Variants in SOS2 observed in about 807,000 individuals in gnomAD.
The protein encoded by SOS2 is SOS Ras/Rho guanine nucleotide exchange factor 2.
A neutral mutation model predicts 148.2 loss-of-function variants in SOS2; 65 were observed. The observed-to-expected ratio is 0.44, with a 90% CI of 0.36 to 0.54. SOS2 has a LOEUF of 0.54. Ranked by LOEUF, SOS2 falls within the 20% of genes least tolerant of loss-of-function variation. The pLI, the probability that SOS2 is intolerant of heterozygous loss-of-function variation, is 0.00. For synonymous variants in SOS2, 539 were observed against 537.1 expected (o/e 1.00, Z -0.05); for missense variants, 1,341 against 1,590.2 (o/e 0.84, Z 2.67).
intron 1 of SOS2, among the ~76,000 whole-genome samples, chr14:50,208,904 T>C (rs1243859368): frequency 6.6e-6 from 1 of 152,202 alleles, no homozygotes; most frequent in Non-Finnish European, 1.5e-5. Flanking sequence ...CCCATATAAC[T>C]GGTTACACAC....
intron 7 of SOS2, among the ~76,000 whole-genome samples, chr14:50,179,680 G>A (rs1002154910): frequency 2.0e-5 from 3 of 152,100 alleles, no homozygotes; most frequent in African/African-American, 7.2e-5. Flanking sequence ...AGTCAGTTTA[G>A]ATGTAGAAGT....
At chr14:50,134,530 T>C (rs910799704) in intron 18 of SOS2, among the ~76,000 whole-genome samples, 5 of 152,194 alleles carry the variant, frequency 3.3e-5, no homozygotes, top group African/African-American at 9.7e-5. Flanking sequence ...GTAGCACTAC[T>C]TATTCCTTAG....
rs58933204 is a variant in SOS2, at chr14:50,194,453, A to AT, written c.510+5237dup. Among the ~76,000 whole-genome samples, 389 of 98,716 alleles carry AT rather than the reference A, an allele frequency of 3.9e-3. 9 individuals are homozygous for AT. The highest frequency in any genetic ancestry group is 0.016 in the South Asian group (44 of 2,714). The allele number at this position is 98,716 out of a possible 152,430, so 64.8% of individuals were successfully genotyped here. ...CTCATTTCTTATATAATCCCTTTCA[A>AT]TTTTTTTTTTTTTTTTTTTTTTTTT... On this transcript the variant is annotated intron_variant, in intron 4 of 22. Coordinates refer to ENST00000216373, the MANE Select transcript of SOS2 (RefSeq NM_006939.4).
Position 50,200,943 on chromosome 14 carries a change from C to T in SOS2, c.345+10G>A, listed in dbSNP as rs1886466829. On this transcript the variant is annotated intron_variant, in intron 3 of 22. Transcript: ENST00000216373. Reference sequence around the variant, plus strand: ...GAACACCCCCCAACTAATGTTTAATCTTTTGTTACCTTCAACGAAGGATGG... The same window carrying T: ...GAACACCCCCCAACTAATGTTTAATTTTTTGTTACCTTCAACGAAGGATGG... 1.2e-6 allele frequency: 2 copies of T among 1,612,862 alleles called. No individual in the cohort carries two copies. Among genetic ancestry groups the T allele is most frequent in the Non-Finnish European group, 1.7e-6 (2 of 1,179,378 alleles).
intron 1 of SOS2, 81 bp downstream of exon 1, chr14:50,231,116 T>C: frequency 1.2e-6 from 1 of 837,870 alleles, no homozygotes. Flanking sequence ...ACTCGAGCCC[T>C]GTGGGAGGGA....
rs543003579 is a variant in SOS2 at position 50,134,990 on chromosome 14, T to C, written c.2959-751A>G. On this transcript the variant is annotated intron_variant, in intron 18 of 22. Coordinates refer to ENST00000216373, the MANE Select transcript of SOS2 (RefSeq NM_006939.4). ...CAGGAGGCTGAGACAGGAGAATCAA[T>C]TGAACCTGGCAGGCGGAGGTTGAGG... Among the ~76,000 whole-genome samples, 12 of 147,432 alleles carry C rather than the reference T, an allele frequency of 8.1e-5. No homozygotes were observed. In the South Asian group the frequency reaches 1.7e-3, roughly 21 times the overall value.
At position 50,231,287 on chromosome 14, in the gene SOS2, C is replaced by A. The variant is rs777488196; in HGVS notation, c.-4G>T. On this transcript the variant is annotated 5_prime_UTR_variant, in exon 1 of 23. Transcript: ENST00000216373. ...AAGGCTGCGGCGCCTGCTGCATGGC[C>A]CCGGCGACAGCGCCTCCGCATCGGG... 7.0e-6 allele frequency: 10 copies of A among 1,423,710 alleles called. No homozygotes were observed. Among genetic ancestry groups the A allele is most frequent in the Non-Finnish European group, 9.3e-6 (10 of 1,069,840 alleles). The allele number at this position is 1,423,710 out of a possible 1,614,324, so 88.2% of individuals were successfully genotyped here.
Position 50,161,611 on chromosome 14 carries a change from TA to T in SOS2, c.1069-3del. 3.7e-6 allele frequency: 6 copies of T among 1,608,786 alleles called. No individual in the cohort carries two copies. The East Asian group carries it at 1.3e-4, about 36-fold the overall frequency. The stretch of plus-strand genomic sequence containing the variant: ...TTCTTCACTACATGCTTTCAATTGC[TA>T]AGAAAAAACAGAAAGAAAAATCAAA... On this transcript the variant is annotated splice_region_variant and splice_polypyrimidine_tract_variant and intron_variant, in intron 8 of 22. Coordinates refer to ENST00000216373, the MANE Select transcript of SOS2 (RefSeq NM_006939.4).
chr14:50,143,941 G>A (rs1156429200), intron 16 of SOS2, among the ~76,000 whole-genome samples: 1 of 151,412 alleles, frequency 6.6e-6, no homozygotes, highest in African/African-American at 2.4e-5. Context: ...TTACAGGTGA[G>A]AGCCCCCACA....
intron 8 of SOS2, among the ~76,000 whole-genome samples, chr14:50,166,578 C>T (rs1460652244): frequency 6.6e-6 from 1 of 152,086 alleles, no homozygotes; most frequent in African/African-American, 2.4e-5. Context: ...TTCCTTGCTA[C>T]CTGATACTCA....
chr14:50,149,999 A>G lies in SOS2; in HGVS notation c.2384+9T>C. On this transcript the variant is annotated intron_variant, in intron 14 of 22. Coordinates refer to ENST00000216373, the MANE Select transcript of SOS2 (RefSeq NM_006939.4). ...AAAATAAAGCAAGACATTAACATTA[A>G]TTGTCTACCTGTAAAGATCAGACTC... 6.5e-7 allele frequency: 1 copy of G among 1,542,458 alleles called. No individual in the cohort carries two copies. Among genetic ancestry groups the G allele is most frequent in the Non-Finnish European group, 9.0e-7 (1 of 1,115,108 alleles).
At chr14:50,215,535 C>G in intron 1 of SOS2, 1 of 1,157,394 alleles carries the variant, frequency 8.6e-7, no homozygotes, top group Non-Finnish European at 1.1e-6. Flanking sequence ...AATTTCCAGT[C>G]TTTAACAGTA....
chr14:50,176,484 A>G (rs1316227298), intron 7 of SOS2, among the ~76,000 whole-genome samples: 1 of 152,256 alleles, frequency 6.6e-6, no homozygotes, highest in African/African-American at 2.4e-5. Flanking sequence ...AATGCCTGAT[A>G]AAGTGCATTC....
intron 10 of SOS2, 63 bp downstream of exon 10, chr14:50,159,368 G>A: frequency 7.6e-6 from 8 of 1,055,804 alleles, no homozygotes; most frequent in Non-Finnish European, 1.1e-5. Flanking sequence ...ATATTTTTGA[G>A]CATCCTTAAA....
At chr14:50,211,562 T>C (rs1469340888) in intron 1 of SOS2, among the ~76,000 whole-genome samples, 1 of 151,808 alleles carries the variant, frequency 6.6e-6, no homozygotes, top group Non-Finnish European at 1.5e-5. Context: ...TTTTTTTTTG[T>C]TCCTGCATTA....
Position 50,180,578 on chromosome 14 carries a change from G to A in SOS2, c.963C>T (p.His321=). The A allele has an allele frequency of 7.6e-7, 1 of 1,309,500 alleles. No individual in the cohort carries two copies. The highest frequency in any genetic ancestry group is 1.1e-6 in the Non-Finnish European group (1 of 936,494). 81.1% of individuals were successfully genotyped at this position (1,309,500 alleles called of 1,614,324 possible). A position where few individuals can be genotyped will look rare whatever the true frequency, so the allele number is the denominator to read the frequency against. Residue 321 remains histidine (H), a synonymous_variant, in exon 7 of 23, where the codon CAC becomes CAT. Coordinates refer to ENST00000216373, the MANE Select transcript of SOS2 (RefSeq NM_006939.4). Reference sequence around the variant, plus strand: ...ACCTTCAATTTAAGTTTACCTGAAAGTGTAGAGCAACTGCAGGTCTGGCCA... The same window carrying A: ...ACCTTCAATTTAAGTTTACCTGAAAATGTAGAGCAACTGCAGGTCTGGCCA... The part of the protein sequence containing the change: ...KLMARPAVAL[H]FQSIADGFKE...
intron 1 of SOS2, among the ~76,000 whole-genome samples, chr14:50,230,206 A>G (rs947836364): frequency 6.6e-6 from 1 of 152,198 alleles, no homozygotes; most frequent in Admixed American, 6.5e-5. Flanking sequence ...ATGTCTGAGG[A>G]TATATTTTCC....
At chr14:50,182,858 C>G (rs1885786864) in intron 5 of SOS2, among the ~76,000 whole-genome samples, 1 of 152,174 alleles carries the variant, frequency 6.6e-6, no homozygotes, top group African/African-American at 2.4e-5. Context: ...TTGGGGCTTA[C>G]CTGCCCTGCA....
chr14:50,159,685 T>G lies in SOS2; in HGVS notation c.1598A>C (p.Asn533Thr). The stretch of plus-strand genomic sequence containing the variant: ...AGAAATAAGGGCTGCCATCCAGTTG[T>G]TTTTTTCTTCAGCAGACTTAGCAGC... ...IFAAKSAEEK[N>T]NWMAALISLH... Residue 533 changes from asparagine (N) to threonine (T), a missense_variant, in exon 10 of 23, where the codon AAC becomes ACC. This residue lies in a region of SOS2 where 574 missense variants were observed against 711.1 expected (regional missense o/e 0.81). Coordinates refer to ENST00000216373, the MANE Select transcript of SOS2 (RefSeq NM_006939.4). The G allele has an allele frequency of 6.2e-7, 1 of 1,614,112 alleles. No individual in the cohort carries two copies. The highest frequency in any genetic ancestry group is 8.5e-7 in the Non-Finnish European group (1 of 1,179,976).
Sources: gnomAD v4.1 joint callset for allele counts (sites outside exome capture counted in the v4.1 genomes callset) on GRCh38, gnomAD v4.1.1 for gene constraint, gnomAD v4.1.1 regional missense constraint, MANE v1.5 for transcripts, NCBI Gene and HGNC (gene_info 2026-07-23, HGNC 2026-07-21) for gene names.